The following ZNF527 variants were observed in gnomAD, a reference collection of about 807,000 sequenced individuals.
ZNF527 encodes zinc finger protein 527.
A neutral mutation model predicts 13.5 loss-of-function variants in ZNF527; 5 were observed. The ratio of observed to expected loss-of-function variants is 0.37; its 90% CI spans 0.19 to 0.78. The LOEUF (loss-of-function observed/expected upper bound fraction) is 0.78, where lower values mean the gene tolerates loss of function less well. ZNF527 is among the 30% of genes least tolerant of loss of function. ZNF527 has a pLI of 0.48. For missense variants in ZNF527, 628 were observed against 726.4 expected, an observed-to-expected ratio of 0.86 and a Z score of 1.56; for synonymous variants, 209 against 243.1, an observed-to-expected ratio of 0.86 and a Z score of 1.30.
intron 4 of ZNF527, 149 bp from the exon 5 acceptor site, chr19:37,388,157 C>T (rs2040715284): frequency 5.1e-6 from 4 of 786,318 alleles, no homozygotes; most frequent in Non-Finnish European, 8.0e-6. Flanking sequence ...GTCTTTTGTT[C>T]ATATTGCATG....
At chr19:37,380,516 G>A (rs2040645637) in intron 4 of ZNF527, 144 bp downstream of exon 4, 1 of 557,030 alleles carries the variant, frequency 1.8e-6, no homozygotes, top group Non-Finnish European at 3.0e-6. Context: ...CACACCCTGG[G>A]GTTTTTTCTT....
At chr19:37,376,529 C>T (rs955019692) in intron 2 of ZNF527, among the ~76,000 whole-genome samples, 4 of 151,522 alleles carry the variant, frequency 2.6e-5, no homozygotes, top group Admixed American at 6.6e-5. Flanking sequence ...CAAAAATCAG[C>T]CAGGTGTGGT....
intron 2 of ZNF527, among the ~76,000 whole-genome samples, chr19:37,375,961 TA>T (rs1329773467): frequency 6.6e-6 from 1 of 152,178 alleles, no homozygotes; most frequent in Non-Finnish European, 1.5e-5. Context: ...TTGGATTTGG[TA>T]ACATGGAAAT....
chr19:37,388,554 G>A lies in ZNF527; in HGVS notation c.505G>A (p.Gly169Arg). The part of the protein sequence containing the change: ...GKRDNEFSNS[G>R]RSIPLKSVFL... ...AAGAGACAATGAATTTAGTAATTCTGGGAGAAGCATACCCCTGAAATCAGT... is the reference window on the plus strand; with the variant it reads ...AAGAGACAATGAATTTAGTAATTCTAGGAGAAGCATACCCCTGAAATCAGT... Residue 169 changes from glycine to arginine, a missense_variant, in exon 5 of 5, where the codon GGG (glycine) becomes AGG (arginine). Gly to Arg is a moderately radical substitution (Grantham distance 125). This residue lies in a region of ZNF527 where 592 missense variants were observed against 678.0 expected (regional missense o/e 0.87). Transcript: ENST00000436120. The A allele has an allele frequency of 1.2e-6, 2 of 1,614,110 alleles. No individual in the cohort carries two copies.
rs372532363 is a variant in ZNF527, at chr19:37,388,866, C to A, written c.817C>A (p.Pro273Thr). 5.6e-6 allele frequency: 9 copies of A among 1,614,050 alleles called. No individual in the cohort carries two copies. The African/African-American group carries it at 1.2e-4, about 22-fold the overall frequency. The change falls in exon 5 of 5, where the codon CCC (proline) becomes ACC (threonine). Residue 273 changes from proline (P) to threonine (T), a missense_variant. Coordinates refer to ENST00000436120, the MANE Select transcript of ZNF527 (RefSeq NM_032453.2). ...TCAGACCACTCATTTTGGAAAATTA[C>A]CCCATGGATACGATGAATGTGGTGA... ...QHQTTHFGKL[P>T]HGYDECGDAF...
At chr19:37,379,314 A>T (rs1315693575) in intron 3 of ZNF527, 68 bp downstream of exon 3, 8 of 1,501,004 alleles carry the variant, frequency 5.3e-6, no homozygotes, top group African/African-American at 1.4e-5. Context: ...TCTGTTGAGA[A>T]TATCTAGGAC....
chr19:37,389,743 A>G lies in ZNF527; in HGVS notation c.1694A>G (p.Gln565Arg), dbSNP rs1212659632. ...ECSECGKAFH[Q>R]ILSLRLHQRI... is the part of the protein sequence containing the mutation. ...AGTGAATGTGGGAAGGCTTTTCATC[A>G]GATCTTGTCCCTAAGACTACACCAG... The change falls in exon 5 of 5, where the codon CAG (glutamine) becomes CGG (arginine). Residue 565 changes from glutamine (Q) to arginine (R), a missense_variant. Physicochemically the swap from Gln to Arg is conservative, Grantham distance 43. This residue lies in a region of ZNF527 where 592 missense variants were observed against 678.0 expected (regional missense o/e 0.87). Coordinates refer to ENST00000436120, the MANE Select transcript of ZNF527 (RefSeq NM_032453.2). The G allele has an allele frequency of 5.0e-6, 8 of 1,613,920 alleles. No homozygotes were observed. The highest frequency in any genetic ancestry group is 1.3e-5 in the African/African-American group (1 of 75,064).
chr19:37,389,625 T>C lies in ZNF527; in HGVS notation c.1576T>C (p.Tyr526His), dbSNP rs1312301608. The C allele has an allele frequency of 1.9e-6, 3 of 1,614,146 alleles. No individual in the cohort carries two copies. The highest frequency in any genetic ancestry group is 2.2e-5 in the South Asian group (2 of 91,090). The change falls in exon 5 of 5, where the codon TAT (tyrosine) becomes CAT (histidine). Residue 526 changes from tyrosine (Y) to histidine (H), a missense_variant. By Grantham distance (83) the Tyr-to-His change is moderately conservative. Around this residue, in one of 3 missense-constraint regions of ZNF527, gnomAD observed 592 missense variants for 678.0 expected, o/e 0.87. Transcript: ENST00000436120. ...HKRSHAGEKP[Y>H]ECNKCGKAFS... ...GAGAAGTCATGCAGGAGAGAAACCC[T>C]ATGAATGTAACAAATGTGGAAAGGC...
chr19:37,383,538 G>T (rs2146816677), intron 4 of ZNF527, among the ~76,000 whole-genome samples: 1 of 141,074 alleles, frequency 7.1e-6, no homozygotes, highest in East Asian at 2.1e-4. Flanking sequence ...ACACCCAGCT[G>T]ATTTTTTTTT....
In ZNF527 at chr19:37,379,103, G is replaced by C. The variant is rs767552096; in HGVS notation, c.34-17G>C. 1.2e-6 allele frequency: 2 copies of C among 1,614,010 alleles called. No homozygotes were observed. The highest frequency in any genetic ancestry group is 1.7e-6 in the Non-Finnish European group (2 of 1,179,960). The stretch of plus-strand genomic sequence containing the variant: ...AGGTGTCTGGGCACCTGGTGAACAA[G>C]AATTTTTTTATTTCAGGGGTTGGTG... On this transcript the variant is annotated splice_polypyrimidine_tract_variant and intron_variant, in intron 2 of 4. Coordinates refer to ENST00000436120, the MANE Select transcript of ZNF527 (RefSeq NM_032453.2).
At chr19:37,383,853 A>G (rs1488007325) in intron 4 of ZNF527, among the ~76,000 whole-genome samples, 1 of 152,066 alleles carries the variant, frequency 6.6e-6, no homozygotes, top group Non-Finnish European at 1.5e-5. Context: ...CCACTTTTTA[A>G]AATAACTTTA....
At position 37,382,729 on chromosome 19, in the gene ZNF527, G is replaced by A. The variant is rs148624738; in HGVS notation, c.256+2357G>A. 3.3e-4 allele frequency among the ~76,000 whole-genome samples: 50 copies of A among 152,286 alleles called. No homozygotes were observed. In the East Asian group the frequency reaches 7.9e-3, roughly 24 times the overall value. Reference sequence around the variant, plus strand: ...TCCATTTGTTACTGTTTTTGTTTGAGATGGAGTCTCGCTCTGTCACCAGGC... The same window carrying A: ...TCCATTTGTTACTGTTTTTGTTTGAAATGGAGTCTCGCTCTGTCACCAGGC... On this transcript the variant is annotated intron_variant, in intron 4 of 4. Transcript: ENST00000436120.
chr19:37,385,339 C>T (rs1034135670), intron 4 of ZNF527: 2 of 402,742 alleles, frequency 5.0e-6, no homozygotes, highest in East Asian at 7.1e-5. Context: ...GGTCATGCTC[C>T]CCTTCACTGT....
chr19:37,382,543 A>G (rs1308237701), intron 4 of ZNF527, among the ~76,000 whole-genome samples: 1 of 152,148 alleles, frequency 6.6e-6, no homozygotes, highest in African/African-American at 2.4e-5. Context: ...GTTCAATTTT[A>G]GTATACACAT....
chr19:37,375,613 C>T (rs1206370231), intron 2 of ZNF527, among the ~76,000 whole-genome samples: 1 of 152,010 alleles, frequency 6.6e-6, no homozygotes, highest in Non-Finnish European at 1.5e-5. Context: ...CCTGCCTCGG[C>T]CTCCCAAAGT....
rs201379650 is a variant in ZNF527, at chr19:37,389,708, C to T, written c.1659C>T (p.Pro553=). The change falls in exon 5 of 5, where the codon CCC becomes CCT. Residue 553 remains proline, a synonymous_variant. Coordinates refer to ENST00000436120, the MANE Select transcript of ZNF527 (RefSeq NM_032453.2). ...AAAGAATTCATACTGGAGAGAAACC[C>T]TATGAATGTAGTGAATGTGGGAAGG... The part of the protein sequence containing the change: ...QHQRIHTGEK[P]YECSECGKAF... The T allele has an allele frequency of 9.9e-6, 16 of 1,613,964 alleles. No homozygotes were observed. Among genetic ancestry groups the T allele is most frequent in the Middle Eastern group, 1.6e-4 (1 of 6,062 alleles).
chr19:37,375,857 A>G (rs1661332218), intron 2 of ZNF527, among the ~76,000 whole-genome samples: 1 of 152,196 alleles, frequency 6.6e-6, no homozygotes, highest in South Asian at 2.1e-4. Flanking sequence ...GGGTTCTGGA[A>G]GCCAAGAGGA....
intron 2 of ZNF527, among the ~76,000 whole-genome samples, chr19:37,375,367 C>CTT (rs747311868): frequency 1.2e-5 from 1 of 81,386 alleles, no homozygotes; most frequent in Non-Finnish European, 2.7e-5. Flanking sequence ...CTTTTCTTTT[C>CTT]TTTTTTTTTT....
At position 37,389,475 on chromosome 19, in the gene ZNF527, G is replaced by T; in HGVS notation, c.1426G>T (p.Gly476Trp). 1 of 1,613,868 alleles carries T rather than the reference G, an allele frequency of 6.2e-7. No individual in the cohort carries two copies. Among genetic ancestry groups the T allele is most frequent in the Non-Finnish European group, 8.5e-7 (1 of 1,179,996 alleles). Residue 476 changes from glycine to tryptophan, a missense_variant, in exon 5 of 5, where the codon GGG becomes TGG. Around this residue, in one of 3 missense-constraint regions of ZNF527, gnomAD observed 592 missense variants for 678.0 expected, o/e 0.87. Transcript: ENST00000436120. The part of the protein sequence containing the change: ...GEKPYECIKC[G>W]KFFRTDSQLN... ...AAAGCCCTATGAATGCATCAAATGT[G>T]GGAAGTTTTTTAGGACTGACTCACA...
Sources: gnomAD v4.1 joint callset for allele counts (sites outside exome capture counted in the v4.1 genomes callset) on GRCh38, gnomAD v4.1.1 for gene constraint, gnomAD v4.1.1 regional missense constraint, MANE v1.5 for transcripts, NCBI Gene and HGNC (gene_info 2026-07-23, HGNC 2026-07-21) for gene names.